ARAP2: variants seen among roughly 807,000 people sequenced by gnomAD.
ARAP2 encodes the protein arf-GAP with Rho-GAP domain, ANK repeat and PH domain-containing protein 2.
A neutral mutation model predicts 194.5 loss-of-function variants in ARAP2; 148 were observed. The observed-to-expected ratio is 0.76, with a 90% CI of 0.67 to 0.87. ARAP2 has a LOEUF of 0.87. Among genes scored for constraint, ARAP2 ranks in the 40% least tolerant of loss-of-function variants. ARAP2 has a pLI of 0.00. For missense variants in ARAP2, 2,128 were observed against 1,989.7 expected (o/e 1.07, Z -1.32); for synonymous variants, 695 against 683.5 (o/e 1.02, Z -0.26).
At position 36,098,290 on chromosome 4, in the gene ARAP2, C is replaced by T. The variant is rs73806445; in HGVS notation, c.4286-6270G>A. On this transcript the variant is annotated intron_variant, in intron 27 of 32. Coordinates refer to ENST00000303965, the MANE Select transcript of ARAP2 (RefSeq NM_015230.4). ...TAGCAATCAATCATTATTCTTTCAG[C>T]AATTCTCTTTGGGACTCAATTCCAC... is the stretch of plus-strand genomic sequence containing the variant. 5.6e-3 allele frequency among the ~76,000 whole-genome samples: 854 copies of T among 152,152 alleles called. 8 individuals carry two copies. The highest frequency in any genetic ancestry group is 0.019 in the African/African-American group (807 of 41,514).
At chr4:36,073,353 G>A (rs73123458) in intron 32 of ARAP2, among the ~76,000 whole-genome samples, 3,893 of 151,988 alleles carry the variant, frequency 0.026, 185 homozygotes, top group African/African-American at 0.089. Context: ...TTCTGCTATG[G>A]GCTTACTCTG....
Position 36,229,417 on chromosome 4 carries a change from G to C in ARAP2, c.70C>G (p.Leu24Val), listed in dbSNP as rs1321904839. 1 of 1,613,870 alleles carries C rather than the reference G, an allele frequency of 6.2e-7. No individual in the cohort carries two copies. The highest frequency in any genetic ancestry group is 2.2e-5 in the East Asian group (1 of 44,860). ...AAACCAGACTCATGGAAATGTAAGA[G>C]ATACTGCTCCAAATTAATGCTCATT... ...FLMSINLEQYLLHFHESGFTT... is the reference protein window; with the variant it reads ...FLMSINLEQYVLHFHESGFTT... The change falls in exon 2 of 33, where the codon CTC becomes GTC. Residue 24 changes from leucine (L) to valine (V), a missense_variant. By Grantham distance (32) the Leu-to-Val change is conservative. Coordinates refer to ENST00000303965, the MANE Select transcript of ARAP2 (RefSeq NM_015230.4).
rs1578288773 is a variant in ARAP2, at chr4:36,210,714, C to T, written c.1163G>A (p.Ser388Asn). Residue 388 changes from serine (S) to asparagine (N), a missense_variant, in exon 6 of 33, where the codon AGC becomes AAC. Physicochemically the swap from Ser to Asn is conservative, Grantham distance 46. Transcript: ENST00000303965. ...SIYDNRKEKI[S>N]EDKVEDIWIP... is the part of the protein sequence containing the mutation. ...CCAAATATCTTCCACCTTGTCCTCG[C>T]TTATTTTCTCCTTTCTGTTATCGTA... is the stretch of plus-strand genomic sequence containing the variant. 6.2e-7 allele frequency: 1 copy of T among 1,605,114 alleles called. No individual in the cohort carries two copies. Among genetic ancestry groups the T allele is most frequent in the Non-Finnish European group, 8.5e-7 (1 of 1,177,286 alleles).
At chr4:36,081,682 G>A (rs940220751) in intron 30 of ARAP2, among the ~76,000 whole-genome samples, 1 of 151,796 alleles carries the variant, frequency 6.6e-6, no homozygotes, top group East Asian at 1.9e-4. Flanking sequence ...AGAGCACTTA[G>A]GACTCCTGGA....
intron 5 of ARAP2, among the ~76,000 whole-genome samples, chr4:36,020,118 C>T (rs909099679): frequency 2.1e-4 from 32 of 152,058 alleles, no homozygotes; most frequent in Non-Finnish European, 4.4e-5. Flanking sequence ...ATTATAATAC[C>T]ACGACAATCA....
At chr4:36,142,945 T>C (rs922559177) in intron 19 of ARAP2, among the ~76,000 whole-genome samples, 6 of 151,810 alleles carry the variant, frequency 4.0e-5, no homozygotes, top group Non-Finnish European at 5.9e-5. Flanking sequence ...TTAGATTTCT[T>C]ATAAGAATCT....
At chr4:36,148,055 A>G (rs1730061578) in intron 17 of ARAP2, among the ~76,000 whole-genome samples, 2 of 152,284 alleles carry the variant, frequency 1.3e-5, no homozygotes, top group Admixed American at 1.3e-4. Flanking sequence ...CTCCATTTAT[A>G]TATTTTCCTG....
intron 29 of ARAP2, among the ~76,000 whole-genome samples, chr4:36,082,879 C>T (rs1050228050): frequency 2.0e-5 from 3 of 152,076 alleles, no homozygotes; most frequent in Non-Finnish European, 2.9e-5. Context: ...CCTCCTCTAG[C>T]GCTTACATGC....
chr4:36,068,351 A>G (rs567930987), intron 32 of ARAP2, 73 bp from the exon 33 acceptor site: 1 of 1,428,190 alleles, frequency 7.0e-7, no homozygotes, highest in African/African-American at 1.4e-5. Context: ...TGCAATCCAC[A>G]TAAAAGTTGA....
At chr4:36,102,177 A>T (rs928930752) in intron 27 of ARAP2, among the ~76,000 whole-genome samples, 1 of 151,936 alleles carries the variant, frequency 6.6e-6, no homozygotes, top group Admixed American at 6.6e-5. Flanking sequence ...TCCCTTCTAG[A>T]CATATATCCT....
At chr4:36,237,786 G>A (rs1040150363) in intron 1 of ARAP2, among the ~76,000 whole-genome samples, 1 of 152,184 alleles carries the variant, frequency 6.6e-6, no homozygotes, top group Admixed American at 6.5e-5. Context: ...CACCATCTTT[G>A]CTTTGGTACA....
chr4:36,139,735 T>A (rs754022597), intron 19 of ARAP2, among the ~76,000 whole-genome samples: 2 of 151,694 alleles, frequency 1.3e-5, no homozygotes, highest in Non-Finnish European at 3.0e-5. Flanking sequence ...TTTGATGTTA[T>A]GATTGTATTA....
chr4:36,046,718 A>C (rs545800142), exon 4 of ARAP2: 34 of 152,344 alleles, frequency 2.2e-4, no homozygotes, highest in Middle Eastern at 3.4e-3. Flanking sequence ...ACCCATCACA[A>C]TAGGAAGGCA....
At chr4:36,188,782 T>C (rs979528289) in intron 7 of ARAP2, among the ~76,000 whole-genome samples, 1 of 152,180 alleles carries the variant, frequency 6.6e-6, no homozygotes, top group South Asian at 2.1e-4. Context: ...AACCATTCCA[T>C]GCAGGGAGCA....
At chr4:36,147,267 T>C (rs147299330) in intron 19 of ARAP2, 29 bp downstream of exon 19, 19,749 of 1,596,770 alleles carry the variant, frequency 0.012, 157 homozygotes, top group Non-Finnish European at 0.015. Context: ...GTTGTTGAGA[T>C]AAGGAATAAA....
intron 24 of ARAP2, among the ~76,000 whole-genome samples, chr4:36,118,518 A>C (rs1721946494): frequency 6.6e-6 from 1 of 151,396 alleles, no homozygotes; most frequent in African/African-American, 2.4e-5. Context: ...TTTTACTTAC[A>C]TATACAGACT....
intron 15 of ARAP2, among the ~76,000 whole-genome samples, chr4:36,157,724 C>T (rs1488084586): frequency 1.3e-5 from 2 of 152,172 alleles, no homozygotes; most frequent in Admixed American, 1.3e-4. Flanking sequence ...TCACTCACTA[C>T]AGGACAGCTA....
chr4:36,138,918 T>C (rs537458995), intron 19 of ARAP2, among the ~76,000 whole-genome samples: 1 of 151,880 alleles, frequency 6.6e-6, no homozygotes, highest in African/African-American at 2.4e-5. Flanking sequence ...TTAATTTGTA[T>C]TTCTCTGGTA....
Position 36,232,890 on chromosome 4 carries a change from G to A in ARAP2, c.-159-3245C>T, listed in dbSNP as rs576224620. On this transcript the variant is annotated intron_variant, in intron 1 of 32. Transcript: ENST00000303965. ...TATTAGTTTTTTGCTATGCATGTGT[G>A]TATTTTTGTTTTAATAAACAGCCCT... 4.6e-5 allele frequency among the ~76,000 whole-genome samples: 7 copies of A among 152,304 alleles called. No homozygotes were observed. In the East Asian group the frequency reaches 9.6e-4, roughly 21 times the overall value.
Sources: gnomAD v4.1 joint callset for allele counts (sites outside exome capture counted in the v4.1 genomes callset) on GRCh38, gnomAD v4.1.1 for gene constraint, MANE v1.5 for transcripts, NCBI Gene and HGNC (gene_info 2026-07-23, HGNC 2026-07-21) for gene names.